Variants in NPAS3 observed in about 807,000 individuals in gnomAD.
NPAS3 encodes neuronal PAS domain protein 3.
In NPAS3, 14 loss-of-function variants were observed where a neutral mutation model predicts 73.1. That is an observed-to-expected ratio of 0.19 (90% confidence interval 0.13 to 0.30). NPAS3 has a LOEUF of 0.30. Ranked by LOEUF, NPAS3 falls within the 10% of genes least tolerant of loss-of-function variation. The pLI, the probability that NPAS3 is intolerant of heterozygous loss-of-function variation, is 1.00. For missense variants in NPAS3, 1,096 were observed against 1,250.0 expected, an observed-to-expected ratio of 0.88 and a Z score of 1.86; for synonymous variants, 620 against 541.5, an observed-to-expected ratio of 1.14 and a Z score of -2.01.
chr14:32,986,635 C>T (rs545438655), intron 1 of NPAS3, among the ~76,000 whole-genome samples: 4 of 152,112 alleles, frequency 2.6e-5, no homozygotes, highest in Non-Finnish European at 4.4e-5. Flanking sequence ...AAGTTATTTT[C>T]GGTGTCTCAT....
intron 4 of NPAS3, among the ~76,000 whole-genome samples, chr14:33,499,195 T>C (rs1013432636): frequency 2.6e-5 from 4 of 151,894 alleles, no homozygotes; most frequent in Non-Finnish European, 5.9e-5. Flanking sequence ...AAGAGCACCA[T>C]GTTCAGGCTT....
At chr14:33,355,142 GTTC>G (rs1341614459) in intron 3 of NPAS3, among the ~76,000 whole-genome samples, 2 of 152,148 alleles carry the variant, frequency 1.3e-5, no homozygotes, top group Non-Finnish European at 2.9e-5. Context: ...CATTGTGTGT[GTTC>G]TTCTCTCTAC....
At chr14:33,389,307 TTAA>T in intron 4 of NPAS3, among the ~76,000 whole-genome samples, 1 of 152,340 alleles carries the variant, frequency 6.6e-6, no homozygotes, top group African/African-American at 2.4e-5. Context: ...TAAGGTATTT[TTAA>T]TAATGACAAA....
intron 2 of NPAS3, among the ~76,000 whole-genome samples, chr14:33,194,989 G>T (rs1437828590): frequency 1.3e-5 from 2 of 152,118 alleles, no homozygotes; most frequent in African/African-American, 4.8e-5. Context: ...GAACAAATAG[G>T]AGTGTTGCAT....
chr14:33,736,776 AC>A (rs769757220), intron 7 of NPAS3, among the ~76,000 whole-genome samples: 2 of 152,156 alleles, frequency 1.3e-5, no homozygotes, highest in Non-Finnish European at 2.9e-5. Context: ...TTGGAGGGGC[AC>A]ATCCCAGGAG....
At chr14:33,693,397 G>T (rs1047523137) in intron 6 of NPAS3, among the ~76,000 whole-genome samples, 1 of 152,170 alleles carries the variant, frequency 6.6e-6, no homozygotes, top group South Asian at 2.1e-4. Context: ...TTGTGGTTCA[G>T]TGTTGACCTT....
chr14:33,643,748 G>A (rs1459264445), intron 5 of NPAS3, among the ~76,000 whole-genome samples: 1 of 152,110 alleles, frequency 6.6e-6, no homozygotes, highest in Non-Finnish European at 1.5e-5. Flanking sequence ...GTGTATGCTG[G>A]GAGAAATTCT....
At chr14:33,367,419 TTTTTTC>T in intron 4 of NPAS3, 151 bp downstream of exon 4, 1 of 535,632 alleles carries the variant, frequency 1.9e-6, no homozygotes, top group Admixed American at 3.7e-5. Context: ...ATGAGTTTAT[TTTTTTC>T]TTTTTAGAAA....
upstream of NPAS3, among the ~76,000 whole-genome samples, chr14:32,935,981 C>G (rs562463376): frequency 4.6e-5 from 7 of 152,296 alleles, no homozygotes; most frequent in Admixed American, 1.3e-4. Flanking sequence ...ATTTGTGTTT[C>G]CCAGATTGCA....
intron 2 of NPAS3, among the ~76,000 whole-genome samples, chr14:33,162,252 C>T (rs1165633817): frequency 6.6e-6 from 1 of 152,202 alleles, no homozygotes; most frequent in Non-Finnish European, 1.5e-5. Context: ...AATCTCCATG[C>T]ATCCATATCT....
At chr14:32,939,287 A>T, upstream of NPAS3, 1 of 725,098 alleles carries the variant, frequency 1.4e-6, no homozygotes. Flanking sequence ...GAGAGGCAAA[A>T]AGTAAGAGAG....
At chr14:33,397,776 C>A (rs545037203) in intron 4 of NPAS3, among the ~76,000 whole-genome samples, 82 of 152,216 alleles carry the variant, frequency 5.4e-4, no homozygotes, top group Admixed American at 3.7e-3. Context: ...AGCTGTGCCT[C>A]CAGCCACAGC....
intron 2 of NPAS3, among the ~76,000 whole-genome samples, chr14:33,201,300 G>GGTGTGTGTGTGTGTGTGTGTGT (rs34700439): frequency 0.16 from 23,530 of 150,786 alleles, 2,303 homozygotes; most frequent in South Asian, 0.32. Flanking sequence ...CCCTAACAAT[G>GGTGTGTGTGTGTGTGTGTGTGT]GTGTGTGTGT....
At chr14:32,979,543 A>T (rs1019279161) in intron 1 of NPAS3, among the ~76,000 whole-genome samples, 3 of 152,206 alleles carry the variant, frequency 2.0e-5, no homozygotes, top group Non-Finnish European at 2.9e-5. Context: ...GTCTGAAGCC[A>T]CTGTTCTGTA....
At chr14:33,142,576 T>G (rs2139185193) in intron 2 of NPAS3, among the ~76,000 whole-genome samples, 1 of 152,346 alleles carries the variant, frequency 6.6e-6, no homozygotes, top group Middle Eastern at 3.4e-3. Flanking sequence ...AAAAACTTTG[T>G]CCTACTTCTC....
intron 4 of NPAS3, among the ~76,000 whole-genome samples, chr14:33,419,009 A>T (rs992160311): frequency 6.6e-6 from 1 of 151,988 alleles, no homozygotes; most frequent in South Asian, 2.1e-4. Flanking sequence ...GACAAATCAG[A>T]TACACACAAA....
chr14:33,447,552 G>A (rs12897354), intron 4 of NPAS3, among the ~76,000 whole-genome samples: 26,306 of 152,132 alleles, frequency 0.17, 2,479 homozygotes, highest in African/African-American at 0.25. Context: ...TCGATATTAG[G>A]AGTAGTGTGA....
rs1414136138 is a variant in NPAS3 at position 33,481,228 on chromosome 14, A to G, written c.469-78893A>G. ...AATCTGGCATCCTACACTGAATTAT[A>G]AGGGGTAACATCTATTTTTCTTCTT... is the stretch of plus-strand genomic sequence containing the variant. On this transcript the variant is annotated intron_variant, in intron 4 of 11. Transcript: ENST00000356141. Among the ~76,000 whole-genome samples the G allele has an allele frequency of 2.6e-5, 4 of 152,302 alleles. No homozygotes were observed. The East Asian group carries it at 7.7e-4, about 29-fold the overall frequency.
chr14:33,788,543 T>A (rs2063248650), intron 9 of NPAS3, among the ~76,000 whole-genome samples: 1 of 152,250 alleles, frequency 6.6e-6, no homozygotes, highest in East Asian at 1.9e-4. Flanking sequence ...CAAACTGAAT[T>A]AGACTGCTTC....
Sources: allele counts gnomAD v4.1 joint callset (sites outside exome capture counted in the v4.1 genomes callset), GRCh38; gene constraint gnomAD v4.1.1; transcripts MANE v1.5; gene names NCBI Gene and HGNC (gene_info 2026-07-23, HGNC 2026-07-21).